The following DCC variants were observed in gnomAD, a reference collection of about 807,000 sequenced individuals.
DCC encodes the protein netrin receptor DCC.
DCC carries 58 observed loss-of-function variants against 172.5 expected under a neutral mutation model. The observed-to-expected ratio is 0.34, with a 90% CI of 0.27 to 0.42. The LOEUF is 0.42. Ranked by LOEUF, DCC falls within the 10% of genes least tolerant of loss-of-function variation. The pLI is 1.00. For synonymous variants in DCC, 709 were observed against 644.5 expected (o/e 1.10, Z -1.52); for missense variants, 1,740 against 1,791.0 (o/e 0.97, Z 0.51).
intron 21 of DCC, among the ~76,000 whole-genome samples, chr18:53,428,566 ATT>A (rs1338321092): frequency 2.9e-5 from 1 of 34,298 alleles, no homozygotes; most frequent in Admixed American, 4.7e-4. Context: ...TTATATATAT[ATT>A]TATATATATA....
chr18:52,451,070 A>T (rs1988288560), intron 1 of DCC, among the ~76,000 whole-genome samples: 1 of 152,210 alleles, frequency 6.6e-6, no homozygotes, highest in Admixed American at 6.5e-5. Flanking sequence ...CATGTAGAAC[A>T]TTAGAATTTC....
intron 7 of DCC, among the ~76,000 whole-genome samples, chr18:53,071,497 A>G (rs936185364): frequency 6.6e-6 from 1 of 152,326 alleles, no homozygotes; most frequent in East Asian, 1.9e-4. Flanking sequence ...AGTGCTATCT[A>G]TGCAATTATT....
chr18:52,477,646 G>A (rs1274951211), intron 1 of DCC, among the ~76,000 whole-genome samples: 4 of 152,012 alleles, frequency 2.6e-5, no homozygotes, highest in South Asian at 4.1e-4. Context: ...CAGAACACTC[G>A]CCCAACACCC....
intron 2 of DCC, among the ~76,000 whole-genome samples, chr18:52,833,621 C>G (rs1275552346): frequency 6.6e-6 from 1 of 152,156 alleles, no homozygotes; most frequent in African/African-American, 2.4e-5. Flanking sequence ...TCTGGAGCCA[C>G]CACATTTTGA....
At chr18:53,509,757 A>G (rs547976544) in intron 27 of DCC, among the ~76,000 whole-genome samples, 9 of 152,164 alleles carry the variant, frequency 5.9e-5, no homozygotes, top group South Asian at 4.1e-4. Context: ...CTGTTTTGTC[A>G]TCACCCTCAA....
chr18:53,427,530 G>T (rs1303331617), intron 21 of DCC, among the ~76,000 whole-genome samples: 1 of 151,670 alleles, frequency 6.6e-6, no homozygotes, highest in African/African-American at 2.4e-5. Flanking sequence ...AGGGTGATCA[G>T]GAGCAGCTGA....
chr18:52,683,423 A>T (rs1478113792), intron 1 of DCC, among the ~76,000 whole-genome samples: 2 of 152,106 alleles, frequency 1.3e-5, no homozygotes, highest in Non-Finnish European at 2.9e-5. Context: ...TAGAGCAAAC[A>T]CAGGGACAAT....
intron 12 of DCC, among the ~76,000 whole-genome samples, chr18:53,267,848 G>A (rs2056700497): frequency 6.6e-6 from 1 of 152,258 alleles, no homozygotes; most frequent in East Asian, 1.9e-4. Context: ...ATACTTTTAG[G>A]TTTGTGAATA....
intron 1 of DCC, among the ~76,000 whole-genome samples, chr18:52,659,480 A>G (rs1308083712): frequency 6.6e-6 from 1 of 152,110 alleles, no homozygotes; most frequent in Non-Finnish European, 1.5e-5. Flanking sequence ...CCTGCTTTTT[A>G]TTTGTGTTTA....
chr18:52,641,271 A>G (rs949013254), intron 1 of DCC, among the ~76,000 whole-genome samples: 1 of 152,248 alleles, frequency 6.6e-6, no homozygotes, highest in Non-Finnish European at 1.5e-5. Context: ...CTATAAGACA[A>G]CATTGGAAAA....
At chr18:52,850,484 T>G (rs2038958202) in intron 2 of DCC, among the ~76,000 whole-genome samples, 4 of 152,154 alleles carry the variant, frequency 2.6e-5, no homozygotes, top group Admixed American at 2.6e-4. Flanking sequence ...TAGCTCTGCT[T>G]GTACAGTAAA....
chr18:52,649,973 ATTTT>A (rs71175512), intron 1 of DCC, among the ~76,000 whole-genome samples: 21 of 106,888 alleles, frequency 2.0e-4, no homozygotes, highest in East Asian at 1.4e-3. Flanking sequence ...TGATAGTTCT[ATTTT>A]TTTTTTTTTT....
At chr18:52,747,049 G>A (rs911411043) in intron 1 of DCC, among the ~76,000 whole-genome samples, 2 of 152,026 alleles carry the variant, frequency 1.3e-5, no homozygotes, top group African/African-American at 2.4e-5. Flanking sequence ...GATAAGAAAC[G>A]CTAGCCAATA....
chr18:53,399,570 T>A (rs979037335), intron 18 of DCC, among the ~76,000 whole-genome samples: 1 of 152,224 alleles, frequency 6.6e-6, no homozygotes, highest in Middle Eastern at 3.4e-3. Flanking sequence ...ATTCATGTAC[T>A]TAATAAAGAA....
intron 1 of DCC, among the ~76,000 whole-genome samples, chr18:52,470,627 G>C (rs1386099244): frequency 6.6e-6 from 1 of 152,114 alleles, no homozygotes; most frequent in Non-Finnish European, 1.5e-5. Context: ...TCAGCCAATG[G>C]ATGACTTTCA....
intron 5 of DCC, among the ~76,000 whole-genome samples, chr18:53,025,110 G>A (rs901764454): frequency 2.0e-5 from 3 of 152,102 alleles, no homozygotes; most frequent in Non-Finnish European, 4.4e-5. Flanking sequence ...CCATGAGCTT[G>A]CCCTTAAATC....
chr18:53,215,420 T>A, intron 11 of DCC, 128 bp from the exon 12 acceptor site: 1 of 799,608 alleles, frequency 1.3e-6, no homozygotes, highest in Middle Eastern at 2.2e-4. Context: ...AAGTACTACC[T>A]GGGTTAACCT....
chr18:52,504,281 A>T (rs531037183), intron 1 of DCC, among the ~76,000 whole-genome samples: 2 of 152,150 alleles, frequency 1.3e-5, no homozygotes, highest in Non-Finnish European at 2.9e-5. Context: ...TTCTACTTTT[A>T]GCATCATGGA....
chr18:52,688,071 A>C (rs960580590), intron 1 of DCC, among the ~76,000 whole-genome samples: 1 of 151,878 alleles, frequency 6.6e-6, no homozygotes, highest in East Asian at 1.9e-4. Context: ...TGTTAGATGT[A>C]GTCAGTCCTG....
Sources: allele counts gnomAD v4.1 joint callset (sites outside exome capture counted in the v4.1 genomes callset), GRCh38; gene constraint gnomAD v4.1.1; transcripts MANE v1.5; gene names NCBI Gene and HGNC (gene_info 2026-07-23, HGNC 2026-07-21).